SLFN12L: variants seen among roughly 807,000 people sequenced by gnomAD.
The protein encoded by SLFN12L is schlafen family member 12-like.
Under a neutral mutation model 34.8 loss-of-function variants are expected in SLFN12L, and 34 were observed. The observed-to-expected ratio is 0.98, with a 90% CI of 0.74 to 1.30. The LOEUF is 1.30. Ranked by LOEUF, SLFN12L falls within the 50% of genes most tolerant of loss-of-function variation. The pLI, the probability that SLFN12L is intolerant of heterozygous loss-of-function variation, is 0.00. For synonymous variants in SLFN12L, 259 were observed against 247.5 expected (o/e 1.05, Z -0.44); for missense variants, 703 against 696.2 (o/e 1.01, Z -0.11).
In SLFN12L at chr17:35,472,909, A is replaced by T. The variant is rs759185463; in HGVS notation, c.*2014T>A. On this transcript the variant is annotated 3_prime_UTR_variant, in exon 5 of 5. Transcript: ENST00000628453. ...TTTCTAGGTATTTTATTCTCTTTTT[A>T]GCGATTGTGAATGTGAGTTCACTCA... is the stretch of plus-strand genomic sequence containing the variant. Among the ~76,000 whole-genome samples the T allele has an allele frequency of 6.6e-6, 1 of 151,976 alleles. No individual in the cohort carries two copies. The highest frequency in any genetic ancestry group is 1.5e-5 in the Non-Finnish European group (1 of 67,998).
chr17:35,524,815 A>T (rs1292908583), intron 1 of SLFN12L, among the ~76,000 whole-genome samples: 1 of 152,146 alleles, frequency 6.6e-6, no homozygotes, highest in Admixed American at 6.5e-5. Flanking sequence ...AAAGGATCAC[A>T]ACTCCTTGCC....
At chr17:35,517,299 C>T (rs1222643467) in intron 2 of SLFN12L, among the ~76,000 whole-genome samples, 1 of 152,132 alleles carries the variant, frequency 6.6e-6, no homozygotes, top group Non-Finnish European at 1.5e-5. Flanking sequence ...CTCCCATTCA[C>T]AATTGCTACA....
intron 2 of SLFN12L, chr17:35,490,958 A>G: frequency 2.5e-6 from 2 of 785,872 alleles, no homozygotes; most frequent in South Asian, 1.4e-5. Context: ...GTTGGTTTCA[A>G]CCAACTCAGG....
intron 1 of SLFN12L, among the ~76,000 whole-genome samples, chr17:35,529,412 A>T (rs1321850412): frequency 6.6e-6 from 1 of 152,256 alleles, no homozygotes; most frequent in African/African-American, 2.4e-5. Context: ...TTATTGTGGC[A>T]CTATTCACAA....
intron 1 of SLFN12L, among the ~76,000 whole-genome samples, chr17:35,528,398 G>A (rs2072359109): frequency 6.6e-6 from 1 of 151,976 alleles, no homozygotes; most frequent in Non-Finnish European, 1.5e-5. Flanking sequence ...ACAATCCTAA[G>A]CAAAAAGAAC....
At position 35,471,522 on chromosome 17, in the gene SLFN12L, T is replaced by C. The variant is rs781024413; in HGVS notation, c.*3401A>G. Among the ~76,000 whole-genome samples the C allele has an allele frequency of 6.6e-6, 1 of 152,188 alleles. No individual in the cohort carries two copies. The highest frequency in any genetic ancestry group is 1.5e-5 in the Non-Finnish European group (1 of 68,026). ...TTCCTGGGTCAAATGGTATTTCTGGTTCTAGATCCTTGAGGAATCGCCACA... is the reference window on the plus strand; with the variant it reads ...TTCCTGGGTCAAATGGTATTTCTGGCTCTAGATCCTTGAGGAATCGCCACA... On this transcript the variant is annotated 3_prime_UTR_variant, in exon 5 of 5. Transcript: ENST00000628453.
At chr17:35,485,436 A>T (rs2142135067) in intron 2 of SLFN12L, among the ~76,000 whole-genome samples, 1 of 151,696 alleles carries the variant, frequency 6.6e-6, no homozygotes, top group South Asian at 2.1e-4. Context: ...CTTTTGTTGG[A>T]TGCATGACTT....
intron 2 of SLFN12L, among the ~76,000 whole-genome samples, chr17:35,485,705 A>G (rs185549774): frequency 9.8e-5 from 15 of 152,314 alleles, no homozygotes; most frequent in Admixed American, 9.8e-4. Context: ...AGAGACAGGG[A>G]TCCAGTTTCA....
chr17:35,493,040 C>T (rs1016341492), intron 2 of SLFN12L, among the ~76,000 whole-genome samples: 7 of 151,794 alleles, frequency 4.6e-5, no homozygotes, highest in Non-Finnish European at 7.4e-5. Context: ...CCACAATATG[C>T]AAAGTGGTGG....
At chr17:35,514,970 C>A in intron 2 of SLFN12L, 1 of 457,616 alleles carries the variant, frequency 2.2e-6, no homozygotes. Context: ...AAAGCTATAT[C>A]TCTTCCAGGA....
intron 2 of SLFN12L, among the ~76,000 whole-genome samples, chr17:35,482,507 C>T (rs111616596): frequency 6.6e-6 from 1 of 152,096 alleles, no homozygotes; most frequent in African/African-American, 2.4e-5. Flanking sequence ...AGGCCTCCCG[C>T]TCTCTGCAGC....
At chr17:35,531,429 C>T (rs1284652111) in intron 1 of SLFN12L, among the ~76,000 whole-genome samples, 4 of 152,138 alleles carry the variant, frequency 2.6e-5, no homozygotes, top group Non-Finnish European at 4.4e-5. Context: ...CAACTGTCTT[C>T]TTCTGTATTT....
chr17:35,498,285 G>A (rs1314510494), intron 2 of SLFN12L: 1 of 798,626 alleles, frequency 1.3e-6, no homozygotes, highest in East Asian at 2.4e-5. Context: ...GCAGTACGTG[G>A]ACTCAGACGG....
chr17:35,527,775 C>T (rs1416678676), intron 1 of SLFN12L, among the ~76,000 whole-genome samples: 3 of 152,162 alleles, frequency 2.0e-5, no homozygotes, highest in African/African-American at 7.2e-5. Context: ...TGGATACATT[C>T]CCTTTGAAAA....
At chr17:35,523,411 A>T (rs910760002) in intron 1 of SLFN12L, among the ~76,000 whole-genome samples, 1 of 152,254 alleles carries the variant, frequency 6.6e-6, no homozygotes, top group Admixed American at 6.5e-5. Context: ...GAAGGTACTC[A>T]TTAGCACAAT....
rs981842656 is a variant in SLFN12L, at chr17:35,491,095, T to C, written c.87-10900A>G. 1.1e-4 allele frequency: 86 copies of C among 776,278 alleles called. 1 individual carries two copies. Among genetic ancestry groups the C allele is most frequent in the South Asian group, 7.3e-4 (54 of 73,504 alleles). The allele number at this position is 776,278 out of a possible 1,614,324, so 48.1% of individuals were successfully genotyped here. A position where few individuals can be genotyped will look rare whatever the true frequency, so the allele number is the denominator to read the frequency against. On this transcript the variant is annotated intron_variant, in intron 2 of 4. Coordinates refer to ENST00000628453, the MANE Select transcript of SLFN12L (RefSeq NM_001363830.2). Reference sequence around the variant, plus strand: ...TATGACCATTTGTGAACTTACTGCCTCCCCTGCTGCAAGATGACCATTTGT... The same window carrying C: ...TATGACCATTTGTGAACTTACTGCCCCCCCTGCTGCAAGATGACCATTTGT...
rs778752221 is a variant in SLFN12L, at chr17:35,479,951, T to C, written c.331A>G (p.Ser111Gly). Reference protein sequence around the residue: ...IKAEVENKGYSYKKDGIGLDL... With the variant: ...IKAEVENKGYGYKKDGIGLDL... The stretch of plus-strand genomic sequence containing the variant: ...AGCCCTATTCCATCTTTTTTATAAC[T>C]ATAGCCTTTATTCTCAACTTCAGCC... The change falls in exon 3 of 5, where the codon AGT (serine) becomes GGT (glycine). Residue 111 changes from serine to glycine, a missense_variant. By Grantham distance (56) the Ser-to-Gly change is moderately conservative. Coordinates refer to ENST00000628453, the MANE Select transcript of SLFN12L (RefSeq NM_001363830.2). The C allele has an allele frequency of 6.2e-7, 1 of 1,614,212 alleles. No homozygotes were observed. Among genetic ancestry groups the C allele is most frequent in the East Asian group, 2.2e-5 (1 of 44,892 alleles).
At chr17:35,503,378 A>G (rs1382192471) in intron 2 of SLFN12L, among the ~76,000 whole-genome samples, 1 of 152,216 alleles carries the variant, frequency 6.6e-6, no homozygotes, top group Non-Finnish European at 1.5e-5. Context: ...AAAAGGTTAA[A>G]AAGAGTCTAT....
chr17:35,480,591 T>C (rs1316364977), intron 2 of SLFN12L: 1 of 157,878 alleles, frequency 6.3e-6, no homozygotes, highest in Non-Finnish European at 1.4e-5. Context: ...TTACTTTTTA[T>C]TTTAATAATT....
Sources: allele counts gnomAD v4.1 joint callset (sites outside exome capture counted in the v4.1 genomes callset), GRCh38; gene constraint gnomAD v4.1.1; transcripts MANE v1.5; gene names NCBI Gene and HGNC (gene_info 2026-07-23, HGNC 2026-07-21).